Variants in LETM1 observed in about 807,000 individuals in gnomAD.
The protein encoded by LETM1 is mitochondrial proton/calcium exchanger protein.
A neutral mutation model predicts 74.5 loss-of-function variants in LETM1; 50 were observed. That is an observed-to-expected ratio of 0.67 (90% CI 0.53 to 0.85). LETM1 has a LOEUF of 0.85. LETM1 is among the 40% of genes least tolerant of loss of function. The pLI is 0.00. For missense variants in LETM1, 824 were observed against 967.8 expected (o/e 0.85, Z 1.97); for synonymous variants, 446 against 407.1 (o/e 1.10, Z -1.15).
chr4:1,851,079 T>C (rs1033030777), intron 1 of LETM1, among the ~76,000 whole-genome samples: 2 of 152,212 alleles, frequency 1.3e-5, no homozygotes, highest in Non-Finnish European at 2.9e-5. Flanking sequence ...CTAGTTCCTA[T>C]AAGCATAAAG....
rs1268674231 is a variant in LETM1, at chr4:1,813,141, A to G, written c.*1283T>C. ...AACTGTCCCTGCACAAAGGTTTACA[A>G]TTGAGAAATATCTCCTGTTCCTATT... On this transcript the variant is annotated 3_prime_UTR_variant, in exon 14 of 14. Coordinates refer to ENST00000302787, the MANE Select transcript of LETM1 (RefSeq NM_012318.3). The G allele has an allele frequency of 1.3e-5, 2 of 152,412 alleles. No homozygotes were observed. Among genetic ancestry groups the G allele is most frequent in the African/African-American group, 4.8e-5 (2 of 41,470 alleles). The allele number at this position is 152,412 out of a possible 1,614,324, so 9.4% of individuals were successfully genotyped here.
At chr4:1,815,287 G>C (rs1047715517) in intron 13 of LETM1, among the ~76,000 whole-genome samples, 2 of 152,120 alleles carry the variant, frequency 1.3e-5, no homozygotes, top group Non-Finnish European at 2.9e-5. Context: ...TCTCAGCTTT[G>C]GGGGCCCCCG....
At chr4:1,842,235 G>A (rs1244715101) in intron 2 of LETM1, among the ~76,000 whole-genome samples, 1 of 152,162 alleles carries the variant, frequency 6.6e-6, no homozygotes, top group Admixed American at 6.5e-5. Context: ...TGACTTTCTG[G>A]AAAGATCCGT....
Position 1,823,888 on chromosome 4 carries a change from T to C in LETM1, c.1201-113A>G. 4 of 1,211,176 alleles carry C rather than the reference T, an allele frequency of 3.3e-6. No homozygotes were observed. The South Asian group carries it at 6.1e-5, about 18-fold the overall frequency. The allele number at this position is 1,211,176 out of a possible 1,614,324, so 75.0% of individuals were successfully genotyped here. On this transcript the variant is annotated intron_variant, in intron 7 of 13. Coordinates refer to ENST00000302787, the MANE Select transcript of LETM1 (RefSeq NM_012318.3). ...CTCTCAGAGAAGACAGTGTCTCAAG[T>C]TCTACAAGGTCTGTTTGTTGCTGTG...
At chr4:1,823,509 C>G in intron 8 of LETM1, 135 bp downstream of exon 8, 3 of 1,002,376 alleles carry the variant, frequency 3.0e-6, no homozygotes, top group South Asian at 1.5e-5. Context: ...TGGGTGGGGG[C>G]ACTCGCGAGG....
chr4:1,835,755 G>A (rs1356135470), intron 4 of LETM1, among the ~76,000 whole-genome samples: 1 of 152,122 alleles, frequency 6.6e-6, no homozygotes, highest in Non-Finnish European at 1.5e-5. Context: ...GCACCGGTAG[G>A]GGAGTGTTCC....
At chr4:1,854,686 G>A (rs896501636) in intron 1 of LETM1, among the ~76,000 whole-genome samples, 1 of 151,376 alleles carries the variant, frequency 6.6e-6, no homozygotes, top group Non-Finnish European at 1.5e-5. Flanking sequence ...CCAGCAACTC[G>A]GCAGGCTGAG....
chr4:1,830,011 T>G (rs1264810393), intron 6 of LETM1, among the ~76,000 whole-genome samples: 1 of 152,202 alleles, frequency 6.6e-6, no homozygotes, highest in Non-Finnish European at 1.5e-5. Flanking sequence ...CTTCTGAAAT[T>G]TGCAGATTTA....
intron 1 of LETM1, among the ~76,000 whole-genome samples, chr4:1,855,126 C>G (rs1001539844): frequency 2.0e-4 from 31 of 152,148 alleles, no homozygotes; most frequent in African/African-American, 7.0e-4. Flanking sequence ...GTTTGAGGTG[C>G]AGTGAGTATG....
At chr4:1,835,130 T>C in intron 4 of LETM1, 148 bp from the exon 5 acceptor site, 1 of 773,604 alleles carries the variant, frequency 1.3e-6, no homozygotes, top group East Asian at 2.7e-5. Context: ...TCTCAAACTC[T>C]TTTATTTCAT....
At chr4:1,826,255 C>T (rs954521175) in intron 6 of LETM1, among the ~76,000 whole-genome samples, 1 of 152,222 alleles carries the variant, frequency 6.6e-6, no homozygotes, top group South Asian at 2.1e-4. Context: ...AACAGGGCTC[C>T]CATGCCAGGA....
In LETM1 at chr4:1,834,944, C is replaced by T. The variant is rs139485145; in HGVS notation, c.777G>A (p.Glu259=). The T allele has an allele frequency of 2.9e-5, 46 of 1,614,020 alleles. No individual in the cohort carries two copies. The African/African-American group carries it at 5.5e-4, about 19-fold the overall frequency. Residue 259 remains glutamate (E), a synonymous_variant, in exon 5 of 14, where the codon GAG becomes GAA. Transcript: ENST00000302787. The surrounding 1 kb of genome is among the most constrained non-coding windows in gnomAD (Gnocchi z 5.0). Reference sequence around the variant, plus strand: ...TGGTGTCCTGGAGGAACTTGGCCAGCTCCAGCTTGACCCGAAGCTCCTTCT... The same window carrying T: ...TGGTGTCCTGGAGGAACTTGGCCAGTTCCAGCTTGACCCGAAGCTCCTTCT... ...RLKKELRVKL[E]LAKFLQDTIE...
At chr4:1,839,615 T>C (rs1712615549) in intron 3 of LETM1, among the ~76,000 whole-genome samples, 2 of 152,220 alleles carry the variant, frequency 1.3e-5, no homozygotes, top group Non-Finnish European at 2.9e-5. Context: ...GTTACAGTCT[T>C]GTGATAATGT....
rs1270578909 is a variant in LETM1, at chr4:1,849,747, T to C, written c.83-538A>G. On this transcript the variant is annotated intron_variant, in intron 1 of 13. Transcript: ENST00000302787. ...AATTTTTGTAAAGACGGGGTTTCGT[T>C]TTGTTGCCTAGGCTGGTCTCCAACT... 5.3e-5 allele frequency among the ~76,000 whole-genome samples: 8 copies of C among 152,054 alleles called. No homozygotes were observed. In the East Asian group the frequency reaches 1.5e-3, roughly 29 times the overall value.
In LETM1 at chr4:1,836,322, AC is replaced by A. The variant is rs1712461707; in HGVS notation, c.738+106del. The A allele has an allele frequency of 2.8e-6, 3 of 1,058,422 alleles. No homozygotes were observed. Among genetic ancestry groups the A allele is most frequent in the Non-Finnish European group, 4.3e-6 (3 of 696,364 alleles). The allele number at this position is 1,058,422 out of a possible 1,614,324, so 65.6% of individuals were successfully genotyped here. Reference sequence around the variant, plus strand: ...CACAGCACAAGGACAATATGAAGATACATAAAGTCTCAAAAATATCTAGCAC... The same window carrying A: ...CACAGCACAAGGACAATATGAAGATAATAAAGTCTCAAAAATATCTAGCAC... On this transcript the variant is annotated intron_variant, in intron 4 of 13. Coordinates refer to ENST00000302787, the MANE Select transcript of LETM1 (RefSeq NM_012318.3). This position sits in a 1 kb window ranked among gnomAD's most constrained non-coding sequence, Gnocchi z 5.8.
chr4:1,814,269 T>A lies in LETM1; in HGVS notation c.*155A>T. Reference sequence around the variant, plus strand: ...CCAGACAGACTGAATCTCCGTGGAATGATGAAAATTAAAATTTACTTGATT... The same window carrying A: ...CCAGACAGACTGAATCTCCGTGGAAAGATGAAAATTAAAATTTACTTGATT... On this transcript the variant is annotated 3_prime_UTR_variant, in exon 14 of 14. Coordinates refer to ENST00000302787, the MANE Select transcript of LETM1 (RefSeq NM_012318.3). 1 of 1,167,970 alleles carries A rather than the reference T, an allele frequency of 8.6e-7. No individual in the cohort carries two copies. Among genetic ancestry groups the A allele is most frequent in the Non-Finnish European group, 1.2e-6 (1 of 818,332 alleles). The allele number at this position is 1,167,970 out of a possible 1,614,324, so 72.4% of individuals were successfully genotyped here. A position where few individuals can be genotyped will look rare whatever the true frequency, so the allele number is the denominator to read the frequency against.
intron 2 of LETM1, among the ~76,000 whole-genome samples, chr4:1,843,474 C>T (rs61107170): frequency 0.028 from 4,196 of 152,312 alleles, 191 homozygotes; most frequent in African/African-American, 0.097. Flanking sequence ...GGATCAGAAG[C>T]CAGAGCAGCA....
At chr4:1,831,252 G>A (rs2108845222) in intron 6 of LETM1, among the ~76,000 whole-genome samples, 1 of 152,330 alleles carries the variant, frequency 6.6e-6, no homozygotes, top group Non-Finnish European at 1.5e-5. Context: ...CTAAATCCCA[G>A]GCATATTTTA....
intron 6 of LETM1, among the ~76,000 whole-genome samples, chr4:1,827,280 T>C (rs2108841593): frequency 6.6e-6 from 1 of 150,610 alleles, no homozygotes; most frequent in African/African-American, 2.4e-5. Context: ...AGTTCTTTTT[T>C]TTTTTTTTTT....
Sources: gnomAD v4.1 joint callset for allele counts (sites outside exome capture counted in the v4.1 genomes callset) on GRCh38, gnomAD v4.1.1 for gene constraint, Gnocchi (gnomAD v3.1) non-coding constraint, MANE v1.5 for transcripts, NCBI Gene and HGNC (gene_info 2026-07-23, HGNC 2026-07-21) for gene names.